CDYL: variants seen among roughly 807,000 people sequenced by gnomAD.
The protein encoded by CDYL is chromodomain Y-like protein.
CDYL carries 8 observed loss-of-function variants against 47.3 expected under a neutral mutation model. The ratio of observed to expected loss-of-function variants is 0.17; its 90% CI spans 0.10 to 0.31. CDYL has a LOEUF of 0.31. Ranked by LOEUF, CDYL falls within the 10% of genes least tolerant of loss-of-function variation. The pLI is 1.00. For missense variants in CDYL, 471 were observed against 701.4 expected (o/e 0.67, Z 3.71); for synonymous variants, 266 against 265.0 (o/e 1.00, Z -0.04).
intron 1 of CDYL, among the ~76,000 whole-genome samples, chr6:4,797,616 C>G (rs886831980): frequency 6.6e-6 from 1 of 152,162 alleles, no homozygotes; most frequent in East Asian, 1.9e-4. Flanking sequence ...TTACTCTAGA[C>G]CCCTGGCAAC....
At chr6:4,946,866 G>T (rs1758537788) in intron 5 of CDYL, among the ~76,000 whole-genome samples, 1 of 152,104 alleles carries the variant, frequency 6.6e-6, no homozygotes, top group Non-Finnish European at 1.5e-5. Flanking sequence ...TATGCATCTT[G>T]TCCCACCCCT....
At chr6:4,838,977 A>C (rs1401051697) in intron 1 of CDYL, among the ~76,000 whole-genome samples, 1 of 152,116 alleles carries the variant, frequency 6.6e-6, no homozygotes, top group Non-Finnish European at 1.5e-5. Context: ...TCCCGGCCTT[A>C]CTTTTAGTTC....
intron 2 of CDYL, among the ~76,000 whole-genome samples, chr6:4,916,535 C>A (rs1223502413): frequency 1.3e-5 from 2 of 152,098 alleles, no homozygotes; most frequent in Non-Finnish European, 2.9e-5. Flanking sequence ...TAAATGAAGA[C>A]CCTGTTCTCA....
At chr6:4,751,574 G>C (rs906631807) in intron 3 of CDYL, among the ~76,000 whole-genome samples, 1 of 152,116 alleles carries the variant, frequency 6.6e-6, no homozygotes, top group Non-Finnish European at 1.5e-5. Context: ...TAATGAAGAG[G>C]GCTGTTGTTT....
intron 2 of CDYL, among the ~76,000 whole-genome samples, chr6:4,907,273 C>T (rs1757267778): frequency 6.6e-6 from 1 of 152,230 alleles, no homozygotes; most frequent in African/African-American, 2.4e-5. Flanking sequence ...TTTTAGCCTG[C>T]ATTTCCATGA....
At chr6:4,843,862 G>A (rs1265639680) in intron 1 of CDYL, among the ~76,000 whole-genome samples, 1 of 152,138 alleles carries the variant, frequency 6.6e-6, no homozygotes, top group East Asian at 1.9e-4. Flanking sequence ...ATCCATTGCT[G>A]TTGAGGTAGT....
At chr6:4,762,645 CA>C (rs1173404314) in intron 3 of CDYL, among the ~76,000 whole-genome samples, 1,389 of 39,618 alleles carry the variant, frequency 0.035, 5 homozygotes, top group African/African-American at 0.067. Flanking sequence ...TAAAGGGTAC[CA>C]AAAAAAAAAA....
chr6:4,926,818 A>AT (rs11461813), intron 2 of CDYL, among the ~76,000 whole-genome samples: 107,286 of 151,880 alleles, frequency 0.71, 39,052 homozygotes, highest in East Asian at 0.91. Context: ...GTTATCTTTC[A>AT]TTTTTATTTT....
intron 2 of CDYL, among the ~76,000 whole-genome samples, chr6:4,900,864 C>T (rs1757030948): frequency 8.3e-6 from 1 of 121,034 alleles, no homozygotes; most frequent in African/African-American, 3.3e-5. Flanking sequence ...GTTTAACTTC[C>T]AAAATGTGAA....
intron 2 of CDYL, among the ~76,000 whole-genome samples, chr6:4,908,324 C>T (rs1228586012): frequency 6.6e-6 from 1 of 151,838 alleles, no homozygotes; most frequent in South Asian, 2.1e-4. Context: ...TGTAGATGAT[C>T]AGAGGGTGCG....
intron 2 of CDYL, among the ~76,000 whole-genome samples, chr6:4,719,412 C>A (rs1172301920): frequency 6.6e-6 from 1 of 152,036 alleles, no homozygotes; most frequent in Non-Finnish European, 1.5e-5. Context: ...ACTGTGGCCT[C>A]ACCTTCCCTC....
intron 1 of CDYL, among the ~76,000 whole-genome samples, chr6:4,867,910 T>A (rs1761366543): frequency 6.6e-6 from 1 of 151,716 alleles, no homozygotes; most frequent in South Asian, 2.1e-4. Context: ...TTATTCAGAG[T>A]ATATCGTGTT....
chr6:4,887,066 C>T (rs12525107), intron 1 of CDYL, among the ~76,000 whole-genome samples: 19 of 152,272 alleles, frequency 1.2e-4, no homozygotes, highest in African/African-American at 3.4e-4. Flanking sequence ...TGTAGTTCCA[C>T]GCTGCCAGTT....
chr6:4,923,558 T>C (rs1016143512), intron 2 of CDYL, among the ~76,000 whole-genome samples: 2 of 152,214 alleles, frequency 1.3e-5, no homozygotes, highest in Non-Finnish European at 2.9e-5. Context: ...TTTGACGTGC[T>C]GATTTCATTT....
In CDYL at chr6:4,776,767, C is replaced by T; in HGVS notation, c.-17C>T. The T allele has an allele frequency of 8.1e-7, 1 of 1,230,458 alleles. No homozygotes were observed. The allele number at this position is 1,230,458 out of a possible 1,614,324, so 76.2% of individuals were successfully genotyped here. The stretch of plus-strand genomic sequence containing the variant: ...GCCCCGACCCTGCCCCTCCCGCCCG[C>T]AACTCCGCCGCCCACCATGGCTTCC... On this transcript the variant is annotated 5_prime_UTR_variant, in exon 1 of 7. Transcript: ENST00000397588.
At chr6:4,834,676 C>G (rs1184289492) in intron 1 of CDYL, among the ~76,000 whole-genome samples, 1 of 152,176 alleles carries the variant, frequency 6.6e-6, no homozygotes, top group Non-Finnish European at 1.5e-5. Context: ...TGTTTTCCAA[C>G]TTGATTCCAT....
At chr6:4,886,936 T>A (rs1288502558) in intron 1 of CDYL, among the ~76,000 whole-genome samples, 1 of 152,222 alleles carries the variant, frequency 6.6e-6, no homozygotes, top group Middle Eastern at 3.2e-3. Flanking sequence ...TGTCCCAAGA[T>A]TATTTGTTAA....
chr6:4,833,580 C>G (rs1448072268), intron 1 of CDYL, among the ~76,000 whole-genome samples: 7 of 148,940 alleles, frequency 4.7e-5, no homozygotes, highest in Admixed American at 2.6e-4. Flanking sequence ...CTGTAGATGT[C>G]TATTAGGTCT....
intron 1 of CDYL, among the ~76,000 whole-genome samples, chr6:4,837,273 A>G (rs555342945): frequency 2.0e-5 from 3 of 152,350 alleles, no homozygotes; most frequent in Admixed American, 6.5e-5. Flanking sequence ...CATGAAAGCA[A>G]AAGGAGGACT....
Sources: allele counts gnomAD v4.1 joint callset (sites outside exome capture counted in the v4.1 genomes callset), GRCh38; gene constraint gnomAD v4.1.1; transcripts MANE v1.5; gene names NCBI Gene and HGNC (gene_info 2026-07-23, HGNC 2026-07-21).